FOXP1: variants seen among roughly 807,000 people sequenced by gnomAD.
FOXP1 encodes forkhead box protein P1.
Under a neutral mutation model 98.2 loss-of-function variants are expected in FOXP1, and 15 were observed. The observed-to-expected ratio is 0.15, with a 90% confidence interval of 0.10 to 0.24. FOXP1 has a LOEUF of 0.24. Ranked by LOEUF, FOXP1 falls within the 10% of genes least tolerant of loss-of-function variation. FOXP1 has a pLI of 1.00. For synonymous variants in FOXP1, 371 were observed against 314.5 expected (o/e 1.18, Z -1.90); for missense variants, 633 against 848.5 (o/e 0.75, Z 3.15).
chr3:71,474,977 C>T (rs1165118607), intron 3 of FOXP1, among the ~76,000 whole-genome samples: 2 of 150,478 alleles, frequency 1.3e-5, no homozygotes, highest in African/African-American at 4.8e-5. Flanking sequence ...TGAAGCCTTC[C>T]TCATGGAGTT....
In FOXP1 at chr3:70,958,265, T is replaced by TA. The variant is rs1453049666; in HGVS notation, c.*981dup. 1 of 529,068 alleles carries TA rather than the reference T, an allele frequency of 1.9e-6. No individual in the cohort carries two copies. Among genetic ancestry groups the TA allele is most frequent in the African/African-American group, 1.9e-5 (1 of 52,326 alleles). 32.8% of individuals were successfully genotyped at this position (529,068 alleles called of 1,614,324 possible). On this transcript the variant is annotated 3_prime_UTR_variant, in exon 21 of 21. Transcript: ENST00000649528. ...CACCCCTCCCCCGAACCACCCCCAA[T>TA]ACTGCTGCGTGGAATGAATCGGCAT...
chr3:71,580,221 T>A (rs1470393637), intron 2 of FOXP1, among the ~76,000 whole-genome samples: 1 of 150,276 alleles, frequency 6.7e-6, no homozygotes, highest in Non-Finnish European at 1.5e-5. Flanking sequence ...TCTCATACAA[T>A]GACTAATCCA....
chr3:71,343,421 A>G (rs754566279), intron 4 of FOXP1, among the ~76,000 whole-genome samples: 10 of 152,168 alleles, frequency 6.6e-5, no homozygotes, highest in Non-Finnish European at 1.0e-4. Flanking sequence ...TAAATAAAAT[A>G]GCTGGATCTT....
chr3:71,558,499 A>AT (rs1160071071), intron 2 of FOXP1, among the ~76,000 whole-genome samples: 1,858 of 141,682 alleles, frequency 0.013, 34 homozygotes, highest in African/African-American at 0.039. Flanking sequence ...GTTTTTTTGG[A>AT]TTTTTTTTTT....
At chr3:71,399,259 C>T (rs1013620265) in intron 3 of FOXP1, among the ~76,000 whole-genome samples, 8 of 152,026 alleles carry the variant, frequency 5.3e-5, no homozygotes, top group Non-Finnish European at 1.2e-4. Context: ...TGTATATACA[C>T]ACAAAACACA....
At chr3:71,219,648 A>AT (rs2108498838) in intron 5 of FOXP1, among the ~76,000 whole-genome samples, 1 of 152,358 alleles carries the variant, frequency 6.6e-6, no homozygotes, top group South Asian at 2.1e-4. Context: ...TCTTTCATAT[A>AT]TTTTTAATAC....
At position 71,253,175 on chromosome 3, in the gene FOXP1, G is replaced by T. The variant is rs558002938; in HGVS notation, c.-12+46645C>A. 1.6e-4 allele frequency among the ~76,000 whole-genome samples: 24 copies of T among 152,312 alleles called. No individual in the cohort carries two copies. In the South Asian group the frequency reaches 5.0e-3, roughly 32 times the overall value. On this transcript the variant is annotated intron_variant, in intron 5 of 20. Coordinates refer to ENST00000649528, the MANE Select transcript of FOXP1 (RefSeq NM_001349338.3). ...AATCCTTCAAGGGAAGTTGCTAAAA[G>T]GGGGCCCATGTTAAACAGAAGTCAC... is the stretch of plus-strand genomic sequence containing the variant.
At position 71,397,016 on chromosome 3, in the gene FOXP1, A is replaced by ATATACATATATATATGTG. The variant is rs1441460808; in HGVS notation, c.-167-37773_-167-37772insCACATATATATATGTATA. Among the ~76,000 whole-genome samples, 25 of 83,436 alleles carry ATATACATATATATATGTG rather than the reference A, an allele frequency of 3.0e-4. 1 individual carries two copies. Among genetic ancestry groups the ATATACATATATATATGTG allele is most frequent in the African/African-American group, 1.3e-3 (25 of 19,758 alleles). 54.7% of individuals were successfully genotyped at this position (83,436 alleles called of 152,430 possible). A position where few individuals can be genotyped will look rare whatever the true frequency, so the allele number is the denominator to read the frequency against. On this transcript the variant is annotated intron_variant, in intron 3 of 20. Transcript: ENST00000649528. ...TATACACATATATATGTGTATATAT[A>ATATACATATATATATGTG]TATATATACATATATATGTGTATAT... is the stretch of plus-strand genomic sequence containing the variant.
chr3:71,564,156 C>G (rs1359487700), intron 2 of FOXP1, among the ~76,000 whole-genome samples: 1 of 152,208 alleles, frequency 6.6e-6, no homozygotes, highest in Non-Finnish European at 1.5e-5. Flanking sequence ...CAAGTCAACA[C>G]AAACCCCAAA....
At chr3:71,168,224 T>A (rs972543736) in intron 6 of FOXP1, among the ~76,000 whole-genome samples, 2 of 152,174 alleles carry the variant, frequency 1.3e-5, no homozygotes, top group African/African-American at 4.8e-5. Context: ...CACATACAGT[T>A]TATTATAGAA....
intron 5 of FOXP1, among the ~76,000 whole-genome samples, chr3:71,253,905 T>C (rs750604382): frequency 6.6e-6 from 1 of 152,210 alleles, no homozygotes; most frequent in African/African-American, 2.4e-5. Flanking sequence ...CTCTGGGTAT[T>C]AAGAACAGAG....
chr3:71,038,893 T>C (rs1342285019), intron 11 of FOXP1, among the ~76,000 whole-genome samples: 1 of 152,140 alleles, frequency 6.6e-6, no homozygotes, highest in Non-Finnish European at 1.5e-5. Context: ...CTTGAACTCC[T>C]GGCCTCAAGC....
At chr3:70,995,952 C>T (rs1358165822) in intron 13 of FOXP1, among the ~76,000 whole-genome samples, 1 of 152,138 alleles carries the variant, frequency 6.6e-6, no homozygotes, top group African/African-American at 2.4e-5. Context: ...TCTATTGAAA[C>T]TGTGGTTTCG....
intron 5 of FOXP1, chr3:71,288,399 G>A (rs935252143): frequency 1.3e-5 from 2 of 152,158 alleles, no homozygotes; most frequent in African/African-American, 4.8e-5. Flanking sequence ...GAGAAAGCTA[G>A]AATCTGTGAT....
intron 7 of FOXP1, among the ~76,000 whole-genome samples, chr3:71,059,156 T>C (rs1462084534): frequency 6.6e-6 from 1 of 152,212 alleles, no homozygotes; most frequent in African/African-American, 2.4e-5. Context: ...TTTCATTTTT[T>C]ATCATTTTGT....
At chr3:71,423,563 T>C (rs201530177) in intron 3 of FOXP1, among the ~76,000 whole-genome samples, 2 of 152,360 alleles carry the variant, frequency 1.3e-5, no homozygotes, top group East Asian at 3.9e-4. Context: ...CTGGCTGGCA[T>C]GCTCAGACAT....
rs548701669 is a variant in FOXP1 at position 70,958,924 on chromosome 3, C to T, written c.*323G>A. On this transcript the variant is annotated 3_prime_UTR_variant, in exon 21 of 21. Coordinates refer to ENST00000649528, the MANE Select transcript of FOXP1 (RefSeq NM_001349338.3). ...CGTTGGCAGGACTGCAGTTCAAAGT[C>T]TGCTGCTAAAAGTGAATCAGTTTAG... 9.2e-5 allele frequency: 39 copies of T among 426,124 alleles called. No individual in the cohort carries two copies. Among genetic ancestry groups the T allele is most frequent in the South Asian group, 8.7e-4 (38 of 43,754 alleles). 26.4% of individuals were successfully genotyped at this position (426,124 alleles called of 1,614,324 possible). A position where few individuals can be genotyped will look rare whatever the true frequency, so the allele number is the denominator to read the frequency against.
At chr3:71,436,810 G>A (rs553000818) in intron 3 of FOXP1, among the ~76,000 whole-genome samples, 1 of 152,252 alleles carries the variant, frequency 6.6e-6, no homozygotes, top group Admixed American at 6.5e-5. Context: ...CAGGAATACT[G>A]CAAAATGTCT....
chr3:71,048,231 A>T (rs377593239), intron 9 of FOXP1, among the ~76,000 whole-genome samples: 9 of 152,300 alleles, frequency 5.9e-5, no homozygotes, highest in South Asian at 2.1e-4. Context: ...TTTTACAACT[A>T]AAAGGACTAT....
Sources: allele counts gnomAD v4.1 joint callset (sites outside exome capture counted in the v4.1 genomes callset), GRCh38; gene constraint gnomAD v4.1.1; transcripts MANE v1.5; gene names NCBI Gene and HGNC (gene_info 2026-07-23, HGNC 2026-07-21).